Variants in IQSEC1 observed in about 807,000 individuals in gnomAD.
IQSEC1 encodes the protein IQ motif and Sec7 domain ArfGEF 1.
Under a neutral mutation model 91.0 loss-of-function variants are expected in IQSEC1, and 31 were observed. The observed-to-expected ratio is 0.34, with a 90% CI of 0.26 to 0.46. The LOEUF (loss-of-function observed/expected upper bound fraction) is 0.46, where lower values mean the gene tolerates loss of function less well. Among genes scored for constraint, IQSEC1 ranks in the 20% least tolerant of loss-of-function variants. The probability of loss-of-function intolerance (pLI) is 1.00; values close to 1 mark genes in which losing one functional copy is unlikely to be tolerated. For missense variants in IQSEC1, 1,388 were observed against 1,575.6 expected (o/e 0.88, Z 2.02); for synonymous variants, 699 against 662.6 (o/e 1.05, Z -0.84).
rs1234632234 is a variant in IQSEC1 at position 13,224,517 on chromosome 3, A to G, written c.272+58194T>C. ...CAGCCTTGTGACATCCTCTCAGCCA[A>G]TCCACTTTTCCTTTAGCTTTCTGAG... On this transcript the variant is annotated intron_variant, in intron 1 of 15. Transcript: ENST00000648114. Among the ~76,000 whole-genome samples, 3 of 151,986 alleles carry G rather than the reference A, an allele frequency of 2.0e-5. No individual in the cohort carries two copies. In the East Asian group the frequency reaches 5.8e-4, roughly 29 times the overall value.
chr3:13,180,601 C>G (rs1368311127), intron 1 of IQSEC1, among the ~76,000 whole-genome samples: 2 of 152,082 alleles, frequency 1.3e-5, no homozygotes, highest in Non-Finnish European at 2.9e-5. Flanking sequence ...AAGCTTTGTT[C>G]TTTCGCTCTT....
intron 1 of IQSEC1, among the ~76,000 whole-genome samples, chr3:13,055,146 T>C (rs1196849904): frequency 6.6e-6 from 1 of 152,152 alleles, no homozygotes; most frequent in South Asian, 2.1e-4. Context: ...TGTCCCGGGG[T>C]TGGCCTGCAC....
chr3:13,008,602 T>C lies in IQSEC1; in HGVS notation c.23+64390A>G, dbSNP rs974992735. Among the ~76,000 whole-genome samples, 4 of 147,830 alleles carry C rather than the reference T, an allele frequency of 2.7e-5. No individual in the cohort carries two copies. Among genetic ancestry groups the C allele is most frequent in the Non-Finnish European group, 5.9e-5 (4 of 68,016 alleles). ...TGCTTCATTTTCCTGACTGTGATGTTGGAAATGCTCGTTTGTGTGTTTGTT... is the reference window on the plus strand; with the variant it reads ...TGCTTCATTTTCCTGACTGTGATGTCGGAAATGCTCGTTTGTGTGTTTGTT... On this transcript the variant is annotated intron_variant, in intron 1 of 13. Coordinates refer to ENST00000613206, the MANE Select transcript of IQSEC1 (RefSeq NM_001134382.3). This position sits in a 1 kb window ranked among gnomAD's most constrained non-coding sequence, Gnocchi z 4.1.
chr3:13,096,637 T>C (rs983885856), intron 2 of IQSEC1, among the ~76,000 whole-genome samples: 4 of 152,086 alleles, frequency 2.6e-5, no homozygotes, highest in Non-Finnish European at 5.9e-5. Flanking sequence ...GGAAGGAACA[T>C]GAGCAAAGGC....
chr3:13,108,285 TC>T (rs1706186845), intron 2 of IQSEC1, among the ~76,000 whole-genome samples: 1 of 152,162 alleles, frequency 6.6e-6, no homozygotes, highest in African/African-American at 2.4e-5. Context: ...TGACATGGAA[TC>T]CCTAAGTTTT....
chr3:13,235,645 T>C (rs1694915029), intron 1 of IQSEC1, among the ~76,000 whole-genome samples: 1 of 152,190 alleles, frequency 6.6e-6, no homozygotes, highest in African/African-American at 2.4e-5. Flanking sequence ...GACATTGCTC[T>C]GGGACCCCAG....
chr3:13,281,270 T>C (rs925929512), intron 1 of IQSEC1, among the ~76,000 whole-genome samples: 1 of 152,164 alleles, frequency 6.6e-6, no homozygotes, highest in Non-Finnish European at 1.5e-5. Context: ...GACCCACAGC[T>C]GCTGTGGCAG....
chr3:12,967,469 C>A lies in IQSEC1; in HGVS notation c.24-25604G>T. 2 of 1,504,226 alleles carry A rather than the reference C, an allele frequency of 1.3e-6. No individual in the cohort carries two copies. Among genetic ancestry groups the A allele is most frequent in the Non-Finnish European group, 8.8e-7 (1 of 1,132,318 alleles). The allele number at this position is 1,504,226 out of a possible 1,614,324, so 93.2% of individuals were successfully genotyped here. ...CACCACATGGCGGCCGCAGTGGGAG[C>A]GGGCCGGGCCGGGAGCCGGGACCCA... On this transcript the variant is annotated intron_variant, in intron 1 of 13. Coordinates refer to ENST00000613206, the MANE Select transcript of IQSEC1 (RefSeq NM_001134382.3). This position sits in a 1 kb window ranked among gnomAD's most constrained non-coding sequence, Gnocchi z 5.9.
At chr3:12,988,967 C>T (rs777876742) in intron 1 of IQSEC1, among the ~76,000 whole-genome samples, 1 of 152,220 alleles carries the variant, frequency 6.6e-6, no homozygotes, top group Admixed American at 6.5e-5. Context: ...CAGGAAGGAA[C>T]TTGCCCAACG....
At chr3:13,275,080 T>A (rs886943857) in intron 1 of IQSEC1, among the ~76,000 whole-genome samples, 1 of 152,198 alleles carries the variant, frequency 6.6e-6, no homozygotes, top group Non-Finnish European at 1.5e-5. Context: ...GCAAACCACT[T>A]AACTTCTTTG....
intron 1 of IQSEC1, among the ~76,000 whole-genome samples, chr3:13,269,605 G>A (rs1559290421): frequency 6.6e-6 from 1 of 152,202 alleles, no homozygotes; most frequent in South Asian, 2.1e-4. Context: ...TCTGGAAGAT[G>A]AGAATGCCAC....
chr3:12,917,191 C>T (rs1274633796), intron 6 of IQSEC1, among the ~76,000 whole-genome samples: 5 of 152,182 alleles, frequency 3.3e-5, no homozygotes, highest in Admixed American at 6.5e-5. Flanking sequence ...TCCACGCTGT[C>T]GCCATCCTCA....
At chr3:12,963,356 G>A (rs1393395773) in intron 1 of IQSEC1, among the ~76,000 whole-genome samples, 1 of 152,214 alleles carries the variant, frequency 6.6e-6, no homozygotes, top group African/African-American at 2.4e-5. Flanking sequence ...AGAAATTCAA[G>A]TCAGAGCAGC....
chr3:12,948,280 G>A (rs1440968872), intron 1 of IQSEC1, among the ~76,000 whole-genome samples: 1 of 152,262 alleles, frequency 6.6e-6, no homozygotes, highest in Non-Finnish European at 1.5e-5. Flanking sequence ...GCAGCTGGAG[G>A]CAGGAAGGGC....
At chr3:13,198,936 A>G (rs1315172377) in intron 1 of IQSEC1, among the ~76,000 whole-genome samples, 1 of 152,174 alleles carries the variant, frequency 6.6e-6, no homozygotes, top group Admixed American at 6.5e-5. Context: ...AATACACCAG[A>G]GTGACCATGG....
intron 1 of IQSEC1, among the ~76,000 whole-genome samples, chr3:13,205,065 T>G (rs1021767402): frequency 3.9e-5 from 6 of 151,912 alleles, no homozygotes; most frequent in African/African-American, 1.5e-4. Context: ...CCCAAAGTGC[T>G]GGGATTACAG....
rs942461229 is a variant in IQSEC1 at position 12,922,614 on chromosome 3, C to T, written c.1731-372G>A. ...ACTGTGAGTCTCCTCTCCTTCTGCA[C>T]GGGGTTGGGGAGTTTGCTGCCATTT... is the stretch of plus-strand genomic sequence containing the variant. On this transcript the variant is annotated intron_variant, in intron 4 of 13. Transcript: ENST00000613206. This position sits in a 1 kb window ranked among gnomAD's most constrained non-coding sequence, Gnocchi z 5.1. Among the ~76,000 whole-genome samples the T allele has an allele frequency of 4.6e-5, 7 of 152,292 alleles. 1 individual carries two copies. In the South Asian group the frequency reaches 1.0e-3, roughly 23 times the overall value.
chr3:13,168,021 T>A (rs541867885), intron 1 of IQSEC1, among the ~76,000 whole-genome samples: 2 of 152,316 alleles, frequency 1.3e-5, no homozygotes, highest in South Asian at 4.1e-4. Context: ...GTTTCCAGGT[T>A]TAAGCCTCAC....
intron 1 of IQSEC1, among the ~76,000 whole-genome samples, chr3:13,050,375 T>A (rs1366279072): frequency 6.6e-6 from 1 of 151,940 alleles, no homozygotes; most frequent in Admixed American, 6.6e-5. Flanking sequence ...CAGTCCTGAA[T>A]TTGGAACCAA....
Sources: allele counts gnomAD v4.1 joint callset (sites outside exome capture counted in the v4.1 genomes callset), GRCh38; gene constraint gnomAD v4.1.1; non-coding constraint Gnocchi (gnomAD v3.1); transcripts MANE v1.5; gene names NCBI Gene and HGNC (gene_info 2026-07-23, HGNC 2026-07-21).